Variants in ARL8B observed in about 807,000 individuals in gnomAD.
ARL8B encodes the protein ADP-ribosylation factor-like protein 8B.
In ARL8B, 9 loss-of-function variants were observed where a neutral mutation model predicts 30.6. The ratio of observed to expected loss-of-function variants is 0.29; its 90% confidence interval spans 0.18 to 0.51. ARL8B has a LOEUF of 0.51. Among genes scored for constraint, ARL8B ranks in the 20% least tolerant of loss-of-function variants. ARL8B has a pLI of 0.97. For missense variants in ARL8B, 130 were observed against 227.2 expected (o/e 0.57, Z 2.75); for synonymous variants, 74 against 76.0 (o/e 0.97, Z 0.14).
intron 1 of ARL8B, among the ~76,000 whole-genome samples, chr3:5,129,881 T>C (rs943781842): frequency 6.6e-6 from 1 of 152,160 alleles, no homozygotes; most frequent in Non-Finnish European, 1.5e-5. Flanking sequence ...TTTTTGTTTT[T>C]CAGACAGAGT....
intron 1 of ARL8B, among the ~76,000 whole-genome samples, chr3:5,143,213 G>A (rs2106559108): frequency 6.6e-6 from 1 of 152,334 alleles, no homozygotes; most frequent in South Asian, 2.1e-4. Context: ...GGGAGGAGTT[G>A]CCTGCAAGTT....
At chr3:5,172,262 T>C (rs1230455080) in intron 3 of ARL8B, 39 bp downstream of exon 3, 1 of 1,536,478 alleles carries the variant, frequency 6.5e-7, no homozygotes, top group East Asian at 2.2e-5. Flanking sequence ...TTTAAATCAA[T>C]GTAGGCATCA....
intron 1 of ARL8B, among the ~76,000 whole-genome samples, chr3:5,163,574 T>G (rs2054599440): frequency 6.6e-6 from 1 of 152,104 alleles, no homozygotes; most frequent in Non-Finnish European, 1.5e-5. Flanking sequence ...TTCTAGCACT[T>G]TAAAAAGACT....
At chr3:5,137,589 C>A (rs1288404805) in intron 1 of ARL8B, among the ~76,000 whole-genome samples, 2 of 151,928 alleles carry the variant, frequency 1.3e-5, no homozygotes, top group African/African-American at 4.8e-5. Context: ...CAGGCATGCA[C>A]CACCATGCCT....
At chr3:5,134,429 T>C (rs1206053708) in intron 1 of ARL8B, among the ~76,000 whole-genome samples, 1 of 152,254 alleles carries the variant, frequency 6.6e-6, no homozygotes, top group African/African-American at 2.4e-5. Context: ...AAGCCTTTGC[T>C]GTCGAATTCG....
intron 1 of ARL8B, among the ~76,000 whole-genome samples, chr3:5,163,837 T>G (rs1029930443): frequency 5.3e-5 from 8 of 152,192 alleles, no homozygotes; most frequent in African/African-American, 1.9e-4. Flanking sequence ...GCCATTGCAC[T>G]TCATCCTGGG....
intron 1 of ARL8B, among the ~76,000 whole-genome samples, chr3:5,156,330 T>C (rs2054532989): frequency 6.6e-6 from 1 of 152,178 alleles, no homozygotes; most frequent in Non-Finnish European, 1.5e-5. Context: ...ACTGGAAATT[T>C]GAATCTAATA....
intron 1 of ARL8B, among the ~76,000 whole-genome samples, chr3:5,140,318 A>C (rs532851084): frequency 6.6e-6 from 1 of 152,246 alleles, no homozygotes; most frequent in South Asian, 2.1e-4. Context: ...GGTAGTGAAT[A>C]AGTCTCACAA....
intron 1 of ARL8B, among the ~76,000 whole-genome samples, chr3:5,144,890 A>AT (rs2054404874): frequency 6.6e-6 from 1 of 152,090 alleles, no homozygotes. Flanking sequence ...CACTGTCCAG[A>AT]TTTTTCCAAA....
At chr3:5,151,547 T>G (rs1253581392) in intron 1 of ARL8B, among the ~76,000 whole-genome samples, 3 of 152,224 alleles carry the variant, frequency 2.0e-5, no homozygotes. Flanking sequence ...TGTTTTTATT[T>G]TCCCTTGAGG....
At chr3:5,170,729 TG>T (rs1193894347) in intron 2 of ARL8B, 146 bp downstream of exon 2, 12 of 587,936 alleles carry the variant, frequency 2.0e-5, no homozygotes, top group East Asian at 6.2e-5. Flanking sequence ...TTTTTGTTGT[TG>T]TTTTTTTGTT....
At chr3:5,156,231 G>T (rs1361843274) in intron 1 of ARL8B, among the ~76,000 whole-genome samples, 2 of 152,006 alleles carry the variant, frequency 1.3e-5, no homozygotes, top group Non-Finnish European at 2.9e-5. Context: ...GTCTTCCTCA[G>T]GGTCAGTTTC....
At chr3:5,177,887 G>A (rs2054743956) in intron 6 of ARL8B, among the ~76,000 whole-genome samples, 1 of 152,236 alleles carries the variant, frequency 6.6e-6, no homozygotes, top group Admixed American at 6.5e-5. Context: ...TGCTTCTTCA[G>A]TAGTTGGGTT....
At chr3:5,161,481 G>A (rs571680519) in intron 1 of ARL8B, among the ~76,000 whole-genome samples, 1 of 152,332 alleles carries the variant, frequency 6.6e-6, no homozygotes, top group East Asian at 1.9e-4. Flanking sequence ...AAGGGTTTGA[G>A]TGGGTCTGTT....
At chr3:5,126,912 T>C (rs2054234480) in intron 1 of ARL8B, among the ~76,000 whole-genome samples, 1 of 152,230 alleles carries the variant, frequency 6.6e-6, no homozygotes, top group South Asian at 2.1e-4. Flanking sequence ...TATTAAAAAA[T>C]ATCTAATAGG....
rs148524778 is a variant in ARL8B at position 5,154,540 on chromosome 3, G to T, written c.124-15963G>T. 5.2e-3 allele frequency among the ~76,000 whole-genome samples: 798 copies of T among 152,074 alleles called. 11 individuals are homozygous for T. Among genetic ancestry groups the T allele is most frequent in the African/African-American group, 0.018 (747 of 41,470 alleles). ...GTAGAGATGGGGCTTCACTATGTTG[G>T]CCAGGTTGTGTCTTCAAGATTTTTA... On this transcript the variant is annotated intron_variant, in intron 1 of 6. Transcript: ENST00000256496.
intron 1 of ARL8B, among the ~76,000 whole-genome samples, chr3:5,153,955 C>G (rs539801410): frequency 1.3e-5 from 2 of 151,646 alleles, no homozygotes; most frequent in African/African-American, 4.8e-5. Context: ...TCCAGCACTT[C>G]GGAAGATGCT....
chr3:5,146,841 A>C (rs1347009593), intron 1 of ARL8B, among the ~76,000 whole-genome samples: 1 of 152,070 alleles, frequency 6.6e-6, no homozygotes, highest in Non-Finnish European at 1.5e-5. Flanking sequence ...TCCTTGGTTC[A>C]GTACCCCTTG....
At chr3:5,130,231 T>G (rs1490163847) in intron 1 of ARL8B, among the ~76,000 whole-genome samples, 1 of 149,450 alleles carries the variant, frequency 6.7e-6, no homozygotes, top group East Asian at 2.0e-4. Context: ...ACTGTGTTGC[T>G]CAGCCTGGTC....
Sources: allele counts gnomAD v4.1 joint callset (sites outside exome capture counted in the v4.1 genomes callset), GRCh38; gene constraint gnomAD v4.1.1; transcripts MANE v1.5; gene names NCBI Gene and HGNC (gene_info 2026-07-23, HGNC 2026-07-21).